The following ST6GALNAC3 variants were observed in gnomAD, a reference collection of about 807,000 sequenced individuals.
ST6GALNAC3 encodes ST6 N-acetylgalactosaminide alpha-2,6-sialyltransferase 3.
Under a neutral mutation model 32.7 loss-of-function variants are expected in ST6GALNAC3, and 25 were observed. The observed-to-expected ratio is 0.76, with a 90% CI of 0.56 to 1.07. The LOEUF is 1.07. Ranked by LOEUF, ST6GALNAC3 falls within the 50% of genes least tolerant of loss-of-function variation. The pLI is 0.00. For missense variants in ST6GALNAC3, 355 were observed against 382.4 expected (o/e 0.93, Z 0.60); for synonymous variants, 129 against 133.1 (o/e 0.97, Z 0.21).
intron 3 of ST6GALNAC3, among the ~76,000 whole-genome samples, chr1:76,534,244 T>G (rs1296635166): frequency 6.6e-6 from 1 of 152,122 alleles, no homozygotes; most frequent in Non-Finnish European, 1.5e-5. Context: ...GGTTTTACCA[T>G]GTTGGCCAGA....
intron 1 of ST6GALNAC3, among the ~76,000 whole-genome samples, chr1:76,094,513 G>A (rs1647096785): frequency 6.6e-6 from 1 of 152,182 alleles, no homozygotes; most frequent in Non-Finnish European, 1.5e-5. Flanking sequence ...GAGGGACAGA[G>A]ACTTTTAATA....
At chr1:76,198,950 C>T (rs989261591) in intron 1 of ST6GALNAC3, among the ~76,000 whole-genome samples, 2 of 151,940 alleles carry the variant, frequency 1.3e-5, no homozygotes, top group Admixed American at 1.3e-4. Flanking sequence ...CTGGGTGACA[C>T]CAGGTAGATC....
chr1:76,235,045 C>T lies in ST6GALNAC3; in HGVS notation c.19-78760C>T, dbSNP rs554693788. The stretch of plus-strand genomic sequence containing the variant: ...TTAAACTCAAAGTAGCAGGGCCTCA[C>T]ATTTGGGCACTGCTGTGTAGGAGGT... On this transcript the variant is annotated intron_variant, in intron 1 of 4. Transcript: ENST00000328299. 2.0e-5 allele frequency among the ~76,000 whole-genome samples: 3 copies of T among 152,308 alleles called. No homozygotes were observed. The East Asian group carries it at 5.8e-4, about 29-fold the overall frequency.
chr1:76,296,253 A>C (rs2100833399), intron 1 of ST6GALNAC3, among the ~76,000 whole-genome samples: 1 of 152,188 alleles, frequency 6.6e-6, no homozygotes, highest in South Asian at 2.1e-4. Context: ...AGGAAAGCAA[A>C]GCAAACTTCT....
intron 3 of ST6GALNAC3, among the ~76,000 whole-genome samples, chr1:76,611,706 A>C (rs566090050): frequency 9.2e-5 from 14 of 152,218 alleles, no homozygotes; most frequent in Admixed American, 2.0e-4. Flanking sequence ...AAATAATAAT[A>C]ATCAAAGGAA....
intron 1 of ST6GALNAC3, among the ~76,000 whole-genome samples, chr1:76,277,402 A>G (rs979105382): frequency 6.6e-6 from 1 of 151,918 alleles, no homozygotes; most frequent in African/African-American, 2.4e-5. Flanking sequence ...AATTTGGTAG[A>G]TGACATTACA....
intron 1 of ST6GALNAC3, among the ~76,000 whole-genome samples, chr1:76,143,543 G>A (rs922314553): frequency 6.6e-6 from 1 of 151,976 alleles, no homozygotes; most frequent in Non-Finnish European, 1.5e-5. Flanking sequence ...TACTGGAAGA[G>A]GACTTAAAAC....
intron 2 of ST6GALNAC3, among the ~76,000 whole-genome samples, chr1:76,320,190 T>C (rs572865052): frequency 3.9e-5 from 6 of 152,194 alleles, no homozygotes; most frequent in Admixed American, 3.3e-4. Context: ...CAGAGTTGGG[T>C]AAAAAAGCAA....
At chr1:76,381,313 G>A (rs1207702858) in intron 2 of ST6GALNAC3, among the ~76,000 whole-genome samples, 1 of 152,116 alleles carries the variant, frequency 6.6e-6, no homozygotes, top group Non-Finnish European at 1.5e-5. Flanking sequence ...TGCTTTGCCA[G>A]GGGCAAGTGT....
At chr1:76,175,598 G>A (rs1346621704) in intron 1 of ST6GALNAC3, among the ~76,000 whole-genome samples, 1 of 151,508 alleles carries the variant, frequency 6.6e-6, no homozygotes, top group African/African-American at 2.4e-5. Flanking sequence ...GGCAGTTCAA[G>A]GATGTCATAC....
chr1:76,094,884 C>T (rs1647102705), intron 1 of ST6GALNAC3, among the ~76,000 whole-genome samples: 1 of 151,794 alleles, frequency 6.6e-6, no homozygotes, highest in South Asian at 2.1e-4. Context: ...CCACCCCCCA[C>T]CGTTCCTTAC....
At chr1:76,223,151 T>C (rs1655874198) in intron 1 of ST6GALNAC3, among the ~76,000 whole-genome samples, 1 of 152,058 alleles carries the variant, frequency 6.6e-6, no homozygotes, top group Non-Finnish European at 1.5e-5. Context: ...TAAATGCCCA[T>C]TGATGGTAGG....
At chr1:76,437,568 T>C (rs954372687) in intron 3 of ST6GALNAC3, among the ~76,000 whole-genome samples, 3 of 133,166 alleles carry the variant, frequency 2.3e-5, no homozygotes, top group African/African-American at 8.3e-5. Context: ...TTCTTTTCTT[T>C]CTTTTTTTTT....
At chr1:76,458,788 G>A (rs1658056222) in intron 3 of ST6GALNAC3, among the ~76,000 whole-genome samples, 1 of 151,486 alleles carries the variant, frequency 6.6e-6, no homozygotes, top group African/African-American at 2.4e-5. Flanking sequence ...AATGCCAGAT[G>A]ATGAGTTAGT....
intron 2 of ST6GALNAC3, among the ~76,000 whole-genome samples, chr1:76,396,323 G>T (rs1157952160): frequency 6.6e-6 from 1 of 152,078 alleles, no homozygotes; most frequent in Non-Finnish European, 1.5e-5. Context: ...AAATTATCCA[G>T]GCATGGTGGC....
At chr1:76,586,769 C>T (rs1222350642) in intron 3 of ST6GALNAC3, among the ~76,000 whole-genome samples, 4 of 152,164 alleles carry the variant, frequency 2.6e-5, no homozygotes, top group Admixed American at 1.3e-4. Context: ...TGCTATTTAC[C>T]GTCTTTGTCA....
chr1:76,294,357 T>G (rs747741235), intron 1 of ST6GALNAC3, among the ~76,000 whole-genome samples: 7 of 150,058 alleles, frequency 4.7e-5, no homozygotes, highest in Non-Finnish European at 8.8e-5. Flanking sequence ...AGCATATTTT[T>G]TATTAAAAAA....
intron 3 of ST6GALNAC3, among the ~76,000 whole-genome samples, chr1:76,520,569 T>C (rs1426618253): frequency 6.6e-6 from 1 of 152,144 alleles, no homozygotes; most frequent in African/African-American, 2.4e-5. Context: ...ACTTCTGATC[T>C]TGTGCTTATT....
chr1:76,630,079 T>A lies in ST6GALNAC3; in HGVS notation c.*1273T>A, dbSNP rs975828686. The A allele has an allele frequency of 2.2e-5, 22 of 985,170 alleles. No homozygotes were observed. The highest frequency in any genetic ancestry group is 2.7e-5 in the Non-Finnish European group (22 of 829,848). The allele number at this position is 985,170 out of a possible 1,614,324, so 61.0% of individuals were successfully genotyped here. On this transcript the variant is annotated 3_prime_UTR_variant, in exon 5 of 5. Coordinates refer to ENST00000328299, the MANE Select transcript of ST6GALNAC3 (RefSeq NM_152996.4). ...GATGCCCTTGAACACCCCATTGGGC[T>A]ATTGTCTGTGTATTCTGCTCTCTTT...
Sources: gnomAD v4.1 joint callset for allele counts (sites outside exome capture counted in the v4.1 genomes callset) on GRCh38, gnomAD v4.1.1 for gene constraint, MANE v1.5 for transcripts, NCBI Gene and HGNC (gene_info 2026-07-23, HGNC 2026-07-21) for gene names.